DLGAP2: variants seen among roughly 807,000 people sequenced by gnomAD.
DLGAP2 encodes the protein disks large-associated protein 2.
A neutral mutation model predicts 100.3 loss-of-function variants in DLGAP2; 26 were observed. That is an observed-to-expected ratio of 0.26 (90% CI 0.19 to 0.36). The LOEUF (loss-of-function observed/expected upper bound fraction) is 0.36. Among genes scored for constraint, DLGAP2 ranks in the 10% least tolerant of loss-of-function variants. The pLI, the probability that DLGAP2 is intolerant of heterozygous loss-of-function variation, is 1.00. For missense variants in DLGAP2, 1,858 were observed against 1,453.2 expected (o/e 1.28, Z -4.53); for synonymous variants, 886 against 630.1 (o/e 1.41, Z -6.08).
intron 3 of DLGAP2, among the ~76,000 whole-genome samples, chr8:1,431,682 G>T (rs575082194): frequency 6.6e-6 from 1 of 152,182 alleles, no homozygotes; most frequent in Admixed American, 6.5e-5. Flanking sequence ...CTTTCAGTCC[G>T]ACTGCGGAGT....
chr8:1,662,912 A>T (rs34588891), intron 8 of DLGAP2, among the ~76,000 whole-genome samples: 4 of 133,184 alleles, frequency 3.0e-5, no homozygotes, highest in African/African-American at 1.2e-4. Context: ...TGGGGGATGC[A>T]TGTCTGTGTG....
intron 2 of DLGAP2, among the ~76,000 whole-genome samples, chr8:943,004 T>G (rs985821878): frequency 6.6e-6 from 1 of 152,210 alleles, no homozygotes; most frequent in Non-Finnish European, 1.5e-5. Context: ...AGTTCGGGGT[T>G]GGATTGTGGG....
intron 2 of DLGAP2, among the ~76,000 whole-genome samples, chr8:928,246 G>C (rs575251993): frequency 1.3e-5 from 2 of 152,286 alleles, no homozygotes; most frequent in Admixed American, 1.3e-4. Flanking sequence ...CCCTGAGGTC[G>C]AGTTTGCGTT....
chr8:1,207,180 C>T (rs75416360), intron 2 of DLGAP2, among the ~76,000 whole-genome samples: 5,590 of 152,284 alleles, frequency 0.037, 144 homozygotes, highest in Non-Finnish European at 0.06. Flanking sequence ...GATTTTAGTG[C>T]ACGCAAGCCA....
At chr8:1,137,668 AG>A (rs1423352374) in intron 2 of DLGAP2, 1 of 152,220 alleles carries the variant, frequency 6.6e-6, no homozygotes, top group East Asian at 1.9e-4. Context: ...ATCTGAAATA[AG>A]AACATGGGCT....
At chr8:1,563,575 G>T (rs1251709759) in intron 5 of DLGAP2, among the ~76,000 whole-genome samples, 1 of 152,068 alleles carries the variant, frequency 6.6e-6, no homozygotes, top group African/African-American at 2.4e-5. Flanking sequence ...CTGCGGGACT[G>T]TGTGGTGTTG....
intron 6 of DLGAP2, among the ~76,000 whole-genome samples, chr8:1,593,791 G>A (rs1052095583): frequency 6.6e-6 from 1 of 152,156 alleles, no homozygotes; most frequent in Non-Finnish European, 1.5e-5. Context: ...GGCATGGCTG[G>A]TAGATGCCGT....
intron 2 of DLGAP2, among the ~76,000 whole-genome samples, chr8:1,009,706 C>A (rs1801220805): frequency 1.3e-5 from 2 of 152,214 alleles, no homozygotes; most frequent in Admixed American, 6.5e-5. Flanking sequence ...AGAAATGGAA[C>A]CTTTTCCTTT....
At chr8:1,613,659 A>C (rs960189579) in intron 6 of DLGAP2, among the ~76,000 whole-genome samples, 1 of 152,214 alleles carries the variant, frequency 6.6e-6, no homozygotes, top group African/African-American at 2.4e-5. Flanking sequence ...AAAGTATTTG[A>C]TAGATGAGTA....
At chr8:1,573,115 G>T (rs1802809295) in intron 6 of DLGAP2, among the ~76,000 whole-genome samples, 2 of 135,392 alleles carry the variant, frequency 1.5e-5, no homozygotes, top group South Asian at 5.3e-4. Flanking sequence ...GTGAACTGTG[G>T]GGGCATCTGA....
At chr8:1,447,943 C>G (rs1370539060) in intron 3 of DLGAP2, among the ~76,000 whole-genome samples, 1 of 152,070 alleles carries the variant, frequency 6.6e-6, no homozygotes, top group Non-Finnish European at 1.5e-5. Context: ...TCCCCTTTAT[C>G]TTTTTTTATT....
intron 3 of DLGAP2, among the ~76,000 whole-genome samples, chr8:1,259,119 T>C (rs574334630): frequency 2.0e-5 from 3 of 152,354 alleles, no homozygotes; most frequent in African/African-American, 7.2e-5. Context: ...TTGCAATATT[T>C]TCTTTATTTT....
intron 3 of DLGAP2, among the ~76,000 whole-genome samples, chr8:1,355,246 T>C (rs1801821710): frequency 6.6e-6 from 1 of 152,270 alleles, no homozygotes; most frequent in Admixed American, 6.5e-5. Flanking sequence ...CGTGCCAGTG[T>C]GCACAGCACA....
chr8:1,167,711 C>A (rs1797046243), intron 2 of DLGAP2, among the ~76,000 whole-genome samples: 1 of 152,164 alleles, frequency 6.6e-6, no homozygotes, highest in African/African-American at 2.4e-5. Context: ...TCTGGAACTT[C>A]TTAGGACATT....
chr8:1,211,144 C>G (rs955840348), intron 2 of DLGAP2, among the ~76,000 whole-genome samples: 2 of 152,342 alleles, frequency 1.3e-5, no homozygotes, highest in African/African-American at 2.4e-5. Context: ...GGTTTTGCAA[C>G]ATGATCTCAT....
chr8:1,247,144 C>T (rs867353032), intron 2 of DLGAP2: 72 of 150,938 alleles, frequency 4.8e-4, no homozygotes, highest in African/African-American at 1.6e-3. Context: ...CGTCGGTGGC[C>T]GGGAAGACCT....
At chr8:1,159,609 C>CAGAG (rs1038349393) in intron 2 of DLGAP2, among the ~76,000 whole-genome samples, 1 of 151,974 alleles carries the variant, frequency 6.6e-6, no homozygotes, top group Non-Finnish European at 1.5e-5. Context: ...ATTTGTACAA[C>CAGAG]AGAGAAAGAA....
chr8:849,480 G>T (rs1013258779), intron 1 of DLGAP2, among the ~76,000 whole-genome samples: 1 of 152,212 alleles, frequency 6.6e-6, no homozygotes, highest in Non-Finnish European at 1.5e-5. Context: ...TGGGATGGGA[G>T]TGGCTGTGTC....
At chr8:1,199,629 G>A (rs1797826832) in intron 2 of DLGAP2, among the ~76,000 whole-genome samples, 1 of 152,104 alleles carries the variant, frequency 6.6e-6, no homozygotes, top group African/African-American at 2.4e-5. Context: ...AGCCAGATGG[G>A]CGCTAGAAAG....
Sources: gnomAD v4.1 joint callset for allele counts (sites outside exome capture counted in the v4.1 genomes callset) on GRCh38, gnomAD v4.1.1 for gene constraint, MANE v1.5 for transcripts, NCBI Gene and HGNC (gene_info 2026-07-23, HGNC 2026-07-21) for gene names.